Variants in TMEM238L observed in about 807,000 individuals in gnomAD.
TMEM238L encodes transmembrane protein 238 like, also known as transmembrane protein 238-like.
chr17:10,801,804 A>G (rs1030418490), intron 1 of TMEM238L, among the ~76,000 whole-genome samples: 21 of 150,398 alleles, frequency 1.4e-4, no homozygotes, highest in Admixed American at 7.3e-4. Context: ...TTTAATTGAG[A>G]CAGGTCTCAC....
chr17:10,798,525 G>A (rs921259422), intron 1 of TMEM238L, among the ~76,000 whole-genome samples: 1 of 152,178 alleles, frequency 6.6e-6, no homozygotes, highest in African/African-American at 2.4e-5. Flanking sequence ...GGAAAAAGTC[G>A]AAGTGGAGGA....
At chr17:10,795,891 G>A (rs1167951807) in exon 2 of TMEM238L, 1 of 152,260 alleles carries the variant, frequency 6.6e-6, no homozygotes, top group African/African-American at 2.4e-5. Context: ...TGCTGTTAAA[G>A]GGTGTTCTGT....
chr17:10,797,403 CCCTTCCTTCCTT>C (rs75503931), intron 1 of TMEM238L, among the ~76,000 whole-genome samples: 1 of 86,874 alleles, frequency 1.2e-5, no homozygotes, highest in African/African-American at 4.5e-5. Flanking sequence ...CTCCCTCCCT[CCCTTCCTTCCTT>C]CCTTCCTTCC....
chr17:10,798,843 A>G (rs1401876361), intron 1 of TMEM238L, among the ~76,000 whole-genome samples: 1 of 152,058 alleles, frequency 6.6e-6, no homozygotes, highest in Non-Finnish European at 1.5e-5. Flanking sequence ...TTAAAAAAGG[A>G]CAAGAGTCTT....
intron 1 of TMEM238L, among the ~76,000 whole-genome samples, chr17:10,801,871 T>G (rs1904758254): frequency 6.6e-6 from 1 of 152,060 alleles, no homozygotes; most frequent in Admixed American, 6.6e-5. Flanking sequence ...AGCCTGTGCC[T>G]CCTGGGCTCC....
At chr17:10,802,029 C>T (rs932922361) in intron 1 of TMEM238L, among the ~76,000 whole-genome samples, 2 of 152,200 alleles carry the variant, frequency 1.3e-5, no homozygotes, top group East Asian at 1.9e-4. Context: ...GTGATCTGCC[C>T]GCCTCGGCCT....
chr17:10,799,393 T>C (rs1367684264), intron 1 of TMEM238L, among the ~76,000 whole-genome samples: 1 of 152,190 alleles, frequency 6.6e-6, no homozygotes, highest in Non-Finnish European at 1.5e-5. Context: ...AGACGGGGTT[T>C]CACTATGTTG....
chr17:10,802,633 G>A (rs1026764501), intron 1 of TMEM238L: 1 of 152,588 alleles, frequency 6.6e-6, no homozygotes, highest in Non-Finnish European at 1.5e-5. Context: ...ACTCAGCAAC[G>A]ACCTTTGCTC....
chr17:10,803,735 G>C, exon 1 of TMEM238L: 1 of 399,606 alleles, frequency 2.5e-6, no homozygotes, highest in East Asian at 3.6e-5. Context: ...TACAGGTCCA[G>C]TTTTTCAGGA....
At chr17:10,798,393 A>G (rs1221174729) in intron 1 of TMEM238L, among the ~76,000 whole-genome samples, 1 of 152,168 alleles carries the variant, frequency 6.6e-6, no homozygotes, top group Non-Finnish European at 1.5e-5. Context: ...CCCTGGCACC[A>G]TGTCTGCATG....
chr17:10,802,187 C>T (rs1317307396), intron 1 of TMEM238L, among the ~76,000 whole-genome samples: 1 of 152,150 alleles, frequency 6.6e-6, no homozygotes. Context: ...TTTCCTGATG[C>T]AAAGTGTGAG....
At chr17:10,798,307 C>A (rs141490706) in intron 1 of TMEM238L, among the ~76,000 whole-genome samples, 1 of 152,236 alleles carries the variant, frequency 6.6e-6, no homozygotes, top group Non-Finnish European at 1.5e-5. Context: ...TGTGAAGTAT[C>A]GTGCACATGC....
chr17:10,796,719 C>T (rs574223604), intron 1 of TMEM238L, among the ~76,000 whole-genome samples: 21 of 152,336 alleles, frequency 1.4e-4, no homozygotes, highest in Admixed American at 7.2e-4. Context: ...TCTTTGTCCT[C>T]TTTGCCATTG....
At chr17:10,801,512 C>T (rs1453841325) in intron 1 of TMEM238L, among the ~76,000 whole-genome samples, 1 of 152,160 alleles carries the variant, frequency 6.6e-6, no homozygotes, top group Non-Finnish European at 1.5e-5. Context: ...GACCTTTGCC[C>T]AAGCCATTGC....
At chr17:10,799,674 G>T (rs1030774806) in intron 1 of TMEM238L, among the ~76,000 whole-genome samples, 33 of 152,374 alleles carry the variant, frequency 2.2e-4, no homozygotes, top group African/African-American at 7.7e-4. Context: ...ATAGGCCAAA[G>T]GTCGTAGGCT....
intron 1 of TMEM238L, among the ~76,000 whole-genome samples, chr17:10,798,805 G>T (rs1234599586): frequency 6.6e-6 from 1 of 151,886 alleles, no homozygotes; most frequent in Non-Finnish European, 1.5e-5. Flanking sequence ...TGTGTGTATT[G>T]TTTGGGTGTG....
chr17:10,799,958 G>A (rs1195140883), intron 1 of TMEM238L, among the ~76,000 whole-genome samples: 1 of 150,058 alleles, frequency 6.7e-6, no homozygotes, highest in South Asian at 2.1e-4. Context: ...TTGAGACGGA[G>A]TCTGGCTCTG....
chr17:10,796,113 C>T (rs963534301), intron 1 of TMEM238L, among the ~76,000 whole-genome samples, 165 bp from the exon 2 acceptor site: 1 of 152,200 alleles, frequency 6.6e-6, no homozygotes, highest in Non-Finnish European at 1.5e-5. Flanking sequence ...AGCCCTGAAA[C>T]CACATGAGAC....
chr17:10,798,513 T>C (rs944044673), intron 1 of TMEM238L, among the ~76,000 whole-genome samples: 12 of 152,134 alleles, frequency 7.9e-5, no homozygotes, highest in African/African-American at 2.7e-4. Context: ...AGGCTGCCTG[T>C]TGGAAAAAGT....
Sources: gnomAD v4.1 joint callset for allele counts (sites outside exome capture counted in the v4.1 genomes callset) on GRCh38, gnomAD v4.1.1 for gene constraint, MANE v1.5 for transcripts, NCBI Gene and HGNC (gene_info 2026-07-23, HGNC 2026-07-21) for gene names.